Variants in TNFSF11 observed in about 807,000 individuals in gnomAD.
TNFSF11 encodes tumor necrosis factor ligand superfamily member 11.
A neutral mutation model predicts 32.2 loss-of-function variants in TNFSF11; 12 were observed. The observed-to-expected ratio is 0.37, with a 90% CI of 0.24 to 0.60. The LOEUF is 0.60. TNFSF11 is among the 20% of genes least tolerant of loss of function. TNFSF11 has a pLI of 0.66. For synonymous variants in TNFSF11, 172 were observed against 152.1 expected (o/e 1.13, Z -0.96); for missense variants, 345 against 398.0 (o/e 0.87, Z 1.13).
At chr13:42,577,354 C>T (rs1247327953) in intron 1 of TNFSF11, among the ~76,000 whole-genome samples, 3 of 152,126 alleles carry the variant, frequency 2.0e-5, no homozygotes, top group African/African-American at 7.2e-5. Flanking sequence ...TAAATGTTTG[C>T]AGATTGCATG....
chr13:42,579,038 C>T (rs1372359298), intron 1 of TNFSF11, among the ~76,000 whole-genome samples: 1 of 152,108 alleles, frequency 6.6e-6, no homozygotes, highest in East Asian at 1.9e-4. Flanking sequence ...GCCTGAAATT[C>T]TACATTTCTA....
upstream of TNFSF11, among the ~76,000 whole-genome samples, chr13:42,573,072 A>T (rs1472579873): frequency 6.6e-6 from 1 of 152,206 alleles, no homozygotes; most frequent in Non-Finnish European, 1.5e-5. Context: ...TACTTAATAG[A>T]ATGTAAATGC....
chr13:42,583,234 G>T (rs887394899), intron 2 of TNFSF11, among the ~76,000 whole-genome samples: 4 of 151,514 alleles, frequency 2.6e-5, no homozygotes, highest in Admixed American at 6.6e-5. Flanking sequence ...AACATAGTGA[G>T]ACCTTCATCT....
At chr13:42,597,071 ATTT>A (rs1868847390) in intron 2 of TNFSF11, among the ~76,000 whole-genome samples, 1 of 152,236 alleles carries the variant, frequency 6.6e-6, no homozygotes, top group Non-Finnish European at 1.5e-5. Context: ...GAAGAATGTT[ATTT>A]TTATGATTGA....
At chr13:42,574,945 C>T (rs1873233852) in intron 1 of TNFSF11, among the ~76,000 whole-genome samples, 1 of 152,270 alleles carries the variant, frequency 6.6e-6, no homozygotes, top group Admixed American at 6.5e-5. Flanking sequence ...TGGGCATCTA[C>T]CTTTCCCTTC....
intron 2 of TNFSF11, among the ~76,000 whole-genome samples, chr13:42,596,652 G>T (rs911797677): frequency 2.6e-5 from 4 of 152,180 alleles, no homozygotes; most frequent in African/African-American, 9.7e-5. Context: ...TCTAACAAAA[G>T]TCAAATATGG....
intron 2 of TNFSF11, among the ~76,000 whole-genome samples, chr13:42,597,110 T>C (rs1379808438): frequency 6.6e-6 from 1 of 152,184 alleles, no homozygotes; most frequent in Non-Finnish European, 1.5e-5. Flanking sequence ...ATAACAATGG[T>C]TTTAGAGCTC....
chr13:42,602,692 A>G (rs749729531), intron 4 of TNFSF11, among the ~76,000 whole-genome samples: 2 of 152,244 alleles, frequency 1.3e-5, no homozygotes, highest in Non-Finnish European at 2.9e-5. Flanking sequence ...ATAAATATGG[A>G]TGCATCTGTA....
intron 4 of TNFSF11, among the ~76,000 whole-genome samples, chr13:42,601,776 C>T (rs1004496451): frequency 2.0e-5 from 3 of 152,298 alleles, no homozygotes; most frequent in East Asian, 1.9e-4. Flanking sequence ...TGTGACTACC[C>T]GATGAACTCT....
chr13:42,588,163 G>A (rs1873988009), intron 2 of TNFSF11, among the ~76,000 whole-genome samples: 1 of 152,190 alleles, frequency 6.6e-6, no homozygotes, highest in Admixed American at 6.5e-5. Flanking sequence ...ATCACATTTA[G>A]CGTTTATAAA....
chr13:42,595,762 A>G (rs1330158325), intron 2 of TNFSF11, among the ~76,000 whole-genome samples: 1 of 152,258 alleles, frequency 6.6e-6, no homozygotes, highest in African/African-American at 2.4e-5. Flanking sequence ...CATTTTTTAA[A>G]AGATCTCTTT....
chr13:42,601,070 C>A, intron 4 of TNFSF11, 89 bp downstream of exon 4: 1 of 1,483,080 alleles, frequency 6.7e-7, no homozygotes, highest in Non-Finnish European at 9.3e-7. Context: ...TAGTCTGTCA[C>A]TGAATTTTTG....
chr13:42,565,316 A>T (rs930636578), intron 1 of TNFSF11, among the ~76,000 whole-genome samples: 21 of 152,122 alleles, frequency 1.4e-4, no homozygotes, highest in Non-Finnish European at 7.3e-5. Flanking sequence ...CCATGTAATA[A>T]ATAAAGCAGT....
rs201896159 is a variant in TNFSF11 at position 42,607,168 on chromosome 13, G to A, written c.*250G>A. The A allele has an allele frequency of 4.7e-5, 23 of 488,052 alleles. No homozygotes were observed. Among genetic ancestry groups the A allele is most frequent in the Admixed American group, 2.3e-4 (6 of 26,544 alleles). The allele number at this position is 488,052 out of a possible 1,614,324, so 30.2% of individuals were successfully genotyped here. A position where few individuals can be genotyped will look rare whatever the true frequency, so the allele number is the denominator to read the frequency against. ...TGAATTCCTAGAATTAAACCAGATT[G>A]GAGCAATTACGGGGTGACCTTATGA... On this transcript the variant is annotated 3_prime_UTR_variant, in exon 5 of 5. Coordinates refer to ENST00000398795, the MANE Select transcript of TNFSF11 (RefSeq NM_003701.4).
chr13:42,596,471 C>T (rs372467461), intron 2 of TNFSF11, among the ~76,000 whole-genome samples: 1 of 152,130 alleles, frequency 6.6e-6, no homozygotes. Context: ...TTTGTCCCAG[C>T]TTTCAGGAGT....
At chr13:42,599,905 C>A (rs1000018735) in intron 2 of TNFSF11, among the ~76,000 whole-genome samples, 1 of 152,154 alleles carries the variant, frequency 6.6e-6, no homozygotes, top group Non-Finnish European at 1.5e-5. Context: ...CACACATTAT[C>A]TCCTTTAGTC....
In TNFSF11 at chr13:42,574,253, G is replaced by A. The variant is rs1455744682; in HGVS notation, c.-51G>A. The A allele has an allele frequency of 3.2e-6, 5 of 1,539,584 alleles. No homozygotes were observed. The Admixed American group carries it at 5.9e-5, about 18-fold the overall frequency. On this transcript the variant is annotated 5_prime_UTR_variant, in exon 1 of 5. Coordinates refer to ENST00000398795, the MANE Select transcript of TNFSF11 (RefSeq NM_003701.4). ...TCCGGAGTTGGCCGCAGACAAGAAG[G>A]GGAGGGAGCGGGAGAGGGAGGAGAG...
chr13:42,601,050 A>C, intron 4 of TNFSF11, 69 bp downstream of exon 4: 1 of 1,567,068 alleles, frequency 6.4e-7, no homozygotes, highest in Non-Finnish European at 8.8e-7. Flanking sequence ...TCAATACTGA[A>C]ACCTATTTTT....
chr13:42,599,349 C>CTATCTATCTATCATCTATCTATCTATCT (rs11385072), intron 2 of TNFSF11, among the ~76,000 whole-genome samples: 1 of 112,186 alleles, frequency 8.9e-6, no homozygotes, highest in East Asian at 2.7e-4. Flanking sequence ...ATCTATCTAT[C>CTATCTATCTATCATCTATCTATCTATCT]ATCTATCTAT....
Sources: allele counts gnomAD v4.1 joint callset (sites outside exome capture counted in the v4.1 genomes callset), GRCh38; gene constraint gnomAD v4.1.1; transcripts MANE v1.5; gene names NCBI Gene and HGNC (gene_info 2026-07-23, HGNC 2026-07-21).